The following RBPJ variants were observed in gnomAD, a reference collection of about 807,000 sequenced individuals.
RBPJ encodes recombination signal binding protein for immunoglobulin kappa J region, also known as recombining binding protein suppressor of hairless.
RBPJ carries 9 observed loss-of-function variants against 67.8 expected under a neutral mutation model. That is an observed-to-expected ratio of 0.13 (90% CI 0.08 to 0.23). RBPJ has a LOEUF of 0.23. RBPJ is among the 10% of genes least tolerant of loss of function. The pLI is 1.00. For missense variants in RBPJ, 305 were observed against 595.6 expected (o/e 0.51, Z 5.08); for synonymous variants, 198 against 203.3 (o/e 0.97, Z 0.22).
At chr4:26,124,939 AGCAATGTGTCAGAGGCCC>A in the RBPJ span, among the ~76,000 whole-genome samples, 1 of 152,198 alleles carries the variant, frequency 6.6e-6, no homozygotes, top group East Asian at 1.9e-4. Flanking sequence ...CTATGGCAAC[AGCAATGTGTCAGAGGCCC>A]GGACACTTTC....
intron 1 of RBPJ, among the ~76,000 whole-genome samples, chr4:26,248,927 G>A (rs1720010091): frequency 6.6e-6 from 1 of 152,192 alleles, no homozygotes; most frequent in Non-Finnish European, 1.5e-5. Context: ...GCCAAAGAGG[G>A]AATATGAAGC....
the RBPJ span, among the ~76,000 whole-genome samples, chr4:26,139,090 G>A: frequency 6.6e-6 from 1 of 152,196 alleles, no homozygotes; most frequent in African/African-American, 2.4e-5. Flanking sequence ...CATCACAGCA[G>A]CCAGAAGTTA....
chr4:26,201,618 A>C (rs1560208233), intron 1 of RBPJ, among the ~76,000 whole-genome samples: 1 of 152,150 alleles, frequency 6.6e-6, no homozygotes, highest in Non-Finnish European at 1.5e-5. Context: ...CCTGCAATTC[A>C]CAATCCCTGG....
intron 3 of RBPJ, among the ~76,000 whole-genome samples, chr4:26,411,233 A>G (rs1467133083): frequency 6.6e-6 from 1 of 152,176 alleles, no homozygotes; most frequent in Admixed American, 6.5e-5. Context: ...CAACATAGTG[A>G]AAGTCTGACT....
At chr4:26,336,157 A>T (rs961659121) in intron 1 of RBPJ, among the ~76,000 whole-genome samples, 2 of 152,198 alleles carry the variant, frequency 1.3e-5, no homozygotes, top group African/African-American at 4.8e-5. Flanking sequence ...ATTGTAGGCT[A>T]AATCGATGCA....
chr4:26,175,334 G>A (rs1716756163), intron 1 of RBPJ, among the ~76,000 whole-genome samples: 1 of 151,954 alleles, frequency 6.6e-6, no homozygotes, highest in African/African-American at 2.4e-5. Flanking sequence ...GAGCAGACCT[G>A]CCACCTGCCC....
the RBPJ span, among the ~76,000 whole-genome samples, chr4:26,126,216 G>A: frequency 6.6e-6 from 1 of 152,224 alleles, no homozygotes; most frequent in Non-Finnish European, 1.5e-5. Context: ...AGGGATTTGG[G>A]ATACAAAGAT....
intron 1 of RBPJ, among the ~76,000 whole-genome samples, chr4:26,183,322 T>C (rs1367268877): frequency 6.6e-6 from 1 of 152,212 alleles, no homozygotes; most frequent in African/African-American, 2.4e-5. Context: ...ATGTGGCCCA[T>C]CATCCACAGA....
intron 1 of RBPJ, among the ~76,000 whole-genome samples, chr4:26,297,299 TC>T (rs1306903303): frequency 6.6e-6 from 1 of 151,700 alleles, no homozygotes; most frequent in African/African-American, 2.4e-5. Context: ...TGAGACCCTG[TC>T]TCAAAGATAA....
At chr4:26,362,544 C>G in intron 1 of RBPJ, 1 of 1,606,864 alleles carries the variant, frequency 6.2e-7, no homozygotes, top group Non-Finnish European at 8.5e-7. Flanking sequence ...GATACACTGG[C>G]TGAGGTGTTT....
chr4:26,181,406 T>C (rs944989966), intron 1 of RBPJ, among the ~76,000 whole-genome samples: 2 of 152,198 alleles, frequency 1.3e-5, no homozygotes, highest in South Asian at 2.1e-4. Flanking sequence ...ACTCCTAAAT[T>C]CTGCCCTATC....
At chr4:26,212,840 C>T (rs1405919286) in intron 1 of RBPJ, among the ~76,000 whole-genome samples, 1 of 152,154 alleles carries the variant, frequency 6.6e-6, no homozygotes, top group East Asian at 1.9e-4. Flanking sequence ...GTCCATCCTT[C>T]ATGTCCACTC....
chr4:26,225,753 A>G (rs1046997713), intron 1 of RBPJ, among the ~76,000 whole-genome samples: 5 of 152,072 alleles, frequency 3.3e-5, no homozygotes, highest in African/African-American at 1.2e-4. Context: ...AATTAATGCC[A>G]TTGTAAAAAA....
At chr4:26,188,450 T>A (rs1231424017) in intron 1 of RBPJ, among the ~76,000 whole-genome samples, 2 of 152,196 alleles carry the variant, frequency 1.3e-5, no homozygotes, top group African/African-American at 4.8e-5. Context: ...ACTAAAAAGG[T>A]CAAGACTTTT....
intron 1 of RBPJ, among the ~76,000 whole-genome samples, chr4:26,269,316 C>T (rs937438854): frequency 5.9e-5 from 9 of 151,536 alleles, no homozygotes; most frequent in African/African-American, 1.5e-4. Context: ...AATACAGTGG[C>T]GGGATCTAGG....
chr4:26,239,558 G>A (rs899684171), intron 1 of RBPJ, among the ~76,000 whole-genome samples: 4 of 152,182 alleles, frequency 2.6e-5, no homozygotes, highest in Non-Finnish European at 4.4e-5. Context: ...GAAAAGGCTT[G>A]TAAACTTTGC....
rs144664946 is a variant in RBPJ at position 26,400,844 on chromosome 4, C to T, written c.60-5331C>T. ...TCTTTGAACTGTGAACAGTTACATC[C>T]AGTAGTAGAAGCCAGTAGAATGCCC... On this transcript the variant is annotated intron_variant, in intron 2 of 10. Transcript: ENST00000355476. 4.1e-3 allele frequency among the ~76,000 whole-genome samples: 620 copies of T among 152,312 alleles called. 5 individuals are homozygous for T. Among genetic ancestry groups the T allele is most frequent in the Admixed American group, 0.027 (407 of 15,296 alleles).
chr4:26,125,965 C>T, the RBPJ span, among the ~76,000 whole-genome samples: 2 of 152,144 alleles, frequency 1.3e-5, no homozygotes, highest in East Asian at 1.9e-4. Context: ...TACACCTCTC[C>T]TCTATGGTGT....
intron 1 of RBPJ, among the ~76,000 whole-genome samples, chr4:26,294,720 A>G (rs1049414695): frequency 6.6e-6 from 1 of 151,984 alleles, no homozygotes; most frequent in Non-Finnish European, 1.5e-5. Flanking sequence ...TCTCTACTAA[A>G]AATACAAAAA....
Sources: allele counts gnomAD v4.1 joint callset (sites outside exome capture counted in the v4.1 genomes callset), GRCh38; gene constraint gnomAD v4.1.1; transcripts MANE v1.5; gene names NCBI Gene and HGNC (gene_info 2026-07-23, HGNC 2026-07-21).